NR3C2: variants seen among roughly 807,000 people sequenced by gnomAD.
NR3C2 encodes the protein mineralocorticoid receptor.
A neutral mutation model predicts 86.4 loss-of-function variants in NR3C2; 15 were observed. That is an observed-to-expected ratio of 0.17 (90% CI 0.12 to 0.27). The LOEUF (loss-of-function observed/expected upper bound fraction) is 0.27, where lower values mean the gene tolerates loss of function less well. Ranked by LOEUF, NR3C2 falls within the 10% of genes least tolerant of loss-of-function variation. The pLI is 1.00. For synonymous variants in NR3C2, 458 were observed against 450.5 expected (o/e 1.02, Z -0.21); for missense variants, 960 against 1,195.6 (o/e 0.80, Z 2.91).
At chr4:148,273,876 G>C (rs1371742836) in intron 2 of NR3C2, among the ~76,000 whole-genome samples, 3 of 152,188 alleles carry the variant, frequency 2.0e-5, no homozygotes, top group Admixed American at 1.3e-4. Context: ...GTGTGCACAG[G>C]GGGGTCACGC....
At chr4:148,335,981 C>T (rs992027957) in intron 2 of NR3C2, among the ~76,000 whole-genome samples, 13 of 152,104 alleles carry the variant, frequency 8.5e-5, no homozygotes, top group African/African-American at 2.7e-4. Context: ...GATTGAATAA[C>T]GTATGAAGTT....
intron 2 of NR3C2, among the ~76,000 whole-genome samples, chr4:148,309,829 C>A (rs376155063): frequency 6.6e-6 from 1 of 152,120 alleles, no homozygotes; most frequent in Admixed American, 6.5e-5. Context: ...TTATTTGACT[C>A]CTTATTTATC....
intron 2 of NR3C2, among the ~76,000 whole-genome samples, chr4:148,304,234 T>A (rs181279452): frequency 6.6e-6 from 1 of 152,082 alleles, no homozygotes; most frequent in Non-Finnish European, 1.5e-5. Context: ...AAAAGTTAAT[T>A]TCTCAAACCT....
rs1474839452 is a variant in NR3C2, at chr4:148,161,303, C to T, written c.2015-6402G>A. ...CATGCTAAGGCAAACACAAACCCAA[C>T]CTCTGATCACTTTAAAAGATATTCC... On this transcript the variant is annotated intron_variant, in intron 4 of 8. Coordinates refer to ENST00000358102, the MANE Select transcript of NR3C2 (RefSeq NM_000901.5). 2.6e-5 allele frequency among the ~76,000 whole-genome samples: 4 copies of T among 152,102 alleles called. No individual in the cohort carries two copies. The East Asian group carries it at 7.7e-4, about 29-fold the overall frequency.
chr4:148,411,370 A>T (rs1054585406), intron 2 of NR3C2, among the ~76,000 whole-genome samples: 1 of 152,190 alleles, frequency 6.6e-6, no homozygotes, highest in Non-Finnish European at 1.5e-5. Context: ...ACATTTAATG[A>T]AATCCAAATC....
intron 2 of NR3C2, among the ~76,000 whole-genome samples, chr4:148,278,583 ACACACC>A (rs990218627): frequency 1.1e-4 from 16 of 152,042 alleles, no homozygotes; most frequent in Admixed American, 4.6e-4. Context: ...GCGCGCACAC[ACACACC>A]CACACCCACA....
intron 2 of NR3C2, among the ~76,000 whole-genome samples, chr4:148,338,967 A>G (rs1225097009): frequency 6.6e-6 from 1 of 152,212 alleles, no homozygotes; most frequent in Non-Finnish European, 1.5e-5. Context: ...TTGAAGAAAA[A>G]AAAATTTAAT....
In NR3C2 at chr4:148,340,582, T is replaced by C. The variant is rs182382742; in HGVS notation, c.1758-80465A>G. ...TTCTGGACACTGGCCTAGACAAAGA[T>C]TTGTTGGGTAAGACCTCAAATGAAC... On this transcript the variant is annotated intron_variant, in intron 2 of 8. Transcript: ENST00000358102. Among the ~76,000 whole-genome samples, 1,098 of 152,146 alleles carry C rather than the reference T, an allele frequency of 7.2e-3. 6 individuals carry two copies. Among genetic ancestry groups the C allele is most frequent in the Non-Finnish European group, 0.013 (862 of 67,968 alleles).
At chr4:148,336,460 G>A (rs1031844803) in intron 2 of NR3C2, among the ~76,000 whole-genome samples, 9 of 152,232 alleles carry the variant, frequency 5.9e-5, no homozygotes, top group East Asian at 3.9e-4. Context: ...TGATTTAGCC[G>A]AACTTGGATA....
intron 3 of NR3C2, among the ~76,000 whole-genome samples, chr4:148,256,157 C>G (rs1201123834): frequency 6.6e-6 from 1 of 152,190 alleles, no homozygotes; most frequent in African/African-American, 2.4e-5. Flanking sequence ...ACAGTTCAGT[C>G]TGCACTGGAA....
At chr4:148,328,113 C>T (rs577055824) in intron 2 of NR3C2, among the ~76,000 whole-genome samples, 3 of 152,324 alleles carry the variant, frequency 2.0e-5, no homozygotes, top group African/African-American at 7.2e-5. Context: ...GCCAAGGCTC[C>T]ATTTGCTAAA....
At chr4:148,441,992 C>A (rs1338325948) in intron 1 of NR3C2, among the ~76,000 whole-genome samples, 168 bp downstream of exon 1, 1 of 152,216 alleles carries the variant, frequency 6.6e-6, no homozygotes, top group Admixed American at 6.5e-5. Flanking sequence ...CCTCTGGCGG[C>A]CAAAGGGGGA....
intron 2 of NR3C2, among the ~76,000 whole-genome samples, chr4:148,353,804 T>C (rs1279981891): frequency 6.6e-6 from 1 of 152,200 alleles, no homozygotes; most frequent in Non-Finnish European, 1.5e-5. Flanking sequence ...TTACATGTTT[T>C]ATCAAGATTT....
intron 2 of NR3C2, among the ~76,000 whole-genome samples, chr4:148,394,921 A>G (rs1011227909): frequency 2.6e-5 from 4 of 152,182 alleles, no homozygotes; most frequent in Non-Finnish European, 4.4e-5. Context: ...TGATAAAGGC[A>G]TAGGGAGGAA....
intron 2 of NR3C2, among the ~76,000 whole-genome samples, chr4:148,341,210 T>C (rs1237258480): frequency 2.0e-5 from 3 of 152,132 alleles, no homozygotes; most frequent in Admixed American, 1.3e-4. Flanking sequence ...ACGTAATCAA[T>C]CTAAGTGTCC....
chr4:148,189,262 G>C (rs928127927), intron 4 of NR3C2, among the ~76,000 whole-genome samples: 1 of 152,032 alleles, frequency 6.6e-6, no homozygotes, highest in African/African-American at 2.4e-5. Context: ...GCTGGATTTT[G>C]TCTAATGCAT....
At chr4:148,401,436 C>T (rs1305503898) in intron 2 of NR3C2, among the ~76,000 whole-genome samples, 1 of 148,502 alleles carries the variant, frequency 6.7e-6, no homozygotes, top group Non-Finnish European at 1.5e-5. Flanking sequence ...CAGGAGCTTA[C>T]TAAAGACTTC....
intron 2 of NR3C2, 44 bp downstream of exon 2, chr4:148,435,060 G>T: frequency 1.9e-6 from 3 of 1,573,688 alleles, no homozygotes; most frequent in Non-Finnish European, 2.6e-6. Flanking sequence ...CCTTCAACAT[G>T]TATAAAGCCA....
chr4:148,252,383 A>T (rs528387411), intron 3 of NR3C2, among the ~76,000 whole-genome samples: 44 of 152,306 alleles, frequency 2.9e-4, no homozygotes, highest in African/African-American at 1.1e-3. Context: ...GAAATAAATG[A>T]GATAAAATAT....
Sources: gnomAD v4.1 joint callset for allele counts (sites outside exome capture counted in the v4.1 genomes callset) on GRCh38, gnomAD v4.1.1 for gene constraint, MANE v1.5 for transcripts, NCBI Gene and HGNC (gene_info 2026-07-23, HGNC 2026-07-21) for gene names.